WWC1: variants seen among roughly 807,000 people sequenced by gnomAD.
The protein encoded by WWC1 is protein KIBRA.
Under a neutral mutation model 138.4 loss-of-function variants are expected in WWC1, and 55 were observed. The ratio of observed to expected loss-of-function variants is 0.40; its 90% CI spans 0.32 to 0.50. The LOEUF (loss-of-function observed/expected upper bound fraction) is 0.50. Ranked by LOEUF, WWC1 falls within the 20% of genes least tolerant of loss-of-function variation. The pLI, the probability that WWC1 is intolerant of heterozygous loss-of-function variation, is 0.72. For synonymous variants in WWC1, 524 were observed against 564.9 expected, an observed-to-expected ratio of 0.93 and a Z score of 1.03; for missense variants, 1,226 against 1,420.4, an observed-to-expected ratio of 0.86 and a Z score of 2.20.
chr5:168,386,387 T>TC (rs1293275131), intron 3 of WWC1, among the ~76,000 whole-genome samples: 4 of 149,780 alleles, frequency 2.7e-5, no homozygotes, highest in Non-Finnish European at 4.5e-5. Flanking sequence ...CTTTTTTTTT[T>TC]TTTCTTTTTC....
At chr5:168,411,139 G>A (rs951470962) in intron 8 of WWC1, among the ~76,000 whole-genome samples, 3 of 152,006 alleles carry the variant, frequency 2.0e-5, no homozygotes, top group African/African-American at 7.3e-5. Flanking sequence ...GTGTTAGCCA[G>A]GATGGTCTCA....
chr5:168,335,543 C>T (rs1773385317), intron 1 of WWC1, among the ~76,000 whole-genome samples: 1 of 152,330 alleles, frequency 6.6e-6, no homozygotes, highest in Non-Finnish European at 1.5e-5. Context: ...TCCCAGTACA[C>T]CTGTACTTGA....
At chr5:168,324,773 G>A (rs1349222455) in intron 1 of WWC1, among the ~76,000 whole-genome samples, 5 of 152,126 alleles carry the variant, frequency 3.3e-5, no homozygotes, top group Admixed American at 1.3e-4. Context: ...CAAGTATATA[G>A]CCTGCCTGTA....
chr5:168,469,048 G>C lies in WWC1; in HGVS notation c.*31G>C. The C allele has an allele frequency of 6.2e-7, 1 of 1,612,884 alleles. No homozygotes were observed. Among genetic ancestry groups the C allele is most frequent in the African/African-American group, 1.3e-5 (1 of 75,032 alleles). On this transcript the variant is annotated 3_prime_UTR_variant, in exon 23 of 23. Transcript: ENST00000265293. ...AGAAAAGTATTTCCTTTGTTCCACT[G>C]ACCAGGCTGTGAACATTGACTGTGG...
intron 1 of WWC1, among the ~76,000 whole-genome samples, chr5:168,339,880 TCTCCC>T (rs1773853796): frequency 7.2e-6 from 1 of 139,466 alleles, no homozygotes; most frequent in African/African-American, 3.0e-5. Context: ...TCTCTCCCTC[TCTCCC>T]TCTCTCTCTG....
At chr5:168,381,244 C>G (rs1205168273) in intron 2 of WWC1, among the ~76,000 whole-genome samples, 1 of 152,124 alleles carries the variant, frequency 6.6e-6, no homozygotes, top group Non-Finnish European at 1.5e-5. Context: ...AGGTAAGGGT[C>G]TCATATACCT....
intron 1 of WWC1, among the ~76,000 whole-genome samples, chr5:168,336,474 A>G (rs930311550): frequency 1.4e-5 from 2 of 147,726 alleles, no homozygotes; most frequent in Middle Eastern, 3.2e-3. Context: ...AGGGAGGCTG[A>G]GGCAGGAGAA....
At chr5:168,325,604 T>G (rs1286730347) in intron 1 of WWC1, among the ~76,000 whole-genome samples, 2 of 152,194 alleles carry the variant, frequency 1.3e-5, no homozygotes, top group African/African-American at 4.8e-5. Flanking sequence ...GCAGTCCCAT[T>G]TGCACTGACA....
At chr5:168,353,484 C>A (rs988037749) in intron 1 of WWC1, among the ~76,000 whole-genome samples, 1 of 152,266 alleles carries the variant, frequency 6.6e-6, no homozygotes, top group African/African-American at 2.4e-5. Context: ...CGTCGTCTTG[C>A]CAACCCTCCA....
chr5:168,312,579 T>A (rs1395444148), intron 1 of WWC1, among the ~76,000 whole-genome samples: 2 of 152,242 alleles, frequency 1.3e-5, no homozygotes, highest in African/African-American at 4.8e-5. Context: ...TAATGGTTAT[T>A]ACAGTATCAC....
intron 11 of WWC1, among the ~76,000 whole-genome samples, chr5:168,426,443 C>G (rs993606554): frequency 1.3e-5 from 2 of 152,196 alleles, no homozygotes; most frequent in African/African-American, 2.4e-5. Flanking sequence ...CCTCAGACAG[C>G]ACATTAGGCT....
At chr5:168,451,903 CT>C (rs3085192) in intron 17 of WWC1, among the ~76,000 whole-genome samples, 2,657 of 108,426 alleles carry the variant, frequency 0.025, 70 homozygotes, top group African/African-American at 0.092. Context: ...TTGTTGGTGT[CT>C]TTTTTTTTTT....
intron 1 of WWC1, among the ~76,000 whole-genome samples, chr5:168,348,589 C>T (rs928070933): frequency 1.7e-4 from 26 of 152,260 alleles, no homozygotes; most frequent in African/African-American, 6.0e-4. Flanking sequence ...CACACATTTG[C>T]CAGCTGGGGG....
At chr5:168,427,230 G>C (rs1474184129) in intron 11 of WWC1, among the ~76,000 whole-genome samples, 5 of 152,194 alleles carry the variant, frequency 3.3e-5, no homozygotes, top group African/African-American at 1.2e-4. Flanking sequence ...TACAGTGATA[G>C]GAACAGTAGT....
At chr5:168,337,389 C>G (rs1200405186) in intron 1 of WWC1, among the ~76,000 whole-genome samples, 1 of 152,196 alleles carries the variant, frequency 6.6e-6, no homozygotes, top group Non-Finnish European at 1.5e-5. Context: ...ACACCCCTCC[C>G]CCCAGAAACA....
chr5:168,461,393 G>A (rs1756799138), intron 20 of WWC1, among the ~76,000 whole-genome samples: 1 of 152,204 alleles, frequency 6.6e-6, no homozygotes, highest in Admixed American at 6.5e-5. Flanking sequence ...TCATCTGACA[G>A]GAGTCTTCCT....
chr5:168,330,570 G>A (rs72822625), intron 1 of WWC1, among the ~76,000 whole-genome samples: 11,631 of 152,196 alleles, frequency 0.076, 645 homozygotes, highest in South Asian at 0.11. Context: ...CATGGAATGT[G>A]CTAGAAGGGG....
At chr5:168,340,978 A>G (rs1050775335) in intron 1 of WWC1, among the ~76,000 whole-genome samples, 1 of 152,132 alleles carries the variant, frequency 6.6e-6, no homozygotes, top group Non-Finnish European at 1.5e-5. Context: ...TCTGCCTCCA[A>G]AGTCTGTGCT....
At chr5:168,437,623 C>A (rs889027723) in intron 15 of WWC1, among the ~76,000 whole-genome samples, 1 of 152,198 alleles carries the variant, frequency 6.6e-6, no homozygotes, top group Non-Finnish European at 1.5e-5. Flanking sequence ...GACTTCTCAG[C>A]AGATTTTTGT....
Sources: gnomAD v4.1 joint callset for allele counts (sites outside exome capture counted in the v4.1 genomes callset) on GRCh38, gnomAD v4.1.1 for gene constraint, MANE v1.5 for transcripts, NCBI Gene and HGNC (gene_info 2026-07-23, HGNC 2026-07-21) for gene names.